Variants in CNTNAP2 observed in about 807,000 individuals in gnomAD.
CNTNAP2 encodes contactin-associated protein-like 2.
In CNTNAP2, 98 loss-of-function variants were observed where a neutral mutation model predicts 155.2. The observed-to-expected ratio is 0.63, with a 90% confidence interval of 0.54 to 0.75. CNTNAP2 has a LOEUF of 0.75. Ranked by LOEUF, CNTNAP2 falls within the 30% of genes least tolerant of loss-of-function variation. The pLI, the probability that CNTNAP2 is intolerant of heterozygous loss-of-function variation, is 0.00. For synonymous variants in CNTNAP2, 651 were observed against 631.2 expected, an observed-to-expected ratio of 1.03 and a Z score of -0.47; for missense variants, 1,727 against 1,688.1, an observed-to-expected ratio of 1.02 and a Z score of -0.40.
intron 1 of CNTNAP2, among the ~76,000 whole-genome samples, chr7:146,614,912 A>C (rs964292049): frequency 5.3e-5 from 8 of 152,104 alleles, no homozygotes; most frequent in African/African-American, 1.4e-4. Context: ...ATCTGCGTAT[A>C]TCTATCCTGC....
intron 8 of CNTNAP2, among the ~76,000 whole-genome samples, chr7:147,285,059 AAC>A (rs1313746990): frequency 6.6e-6 from 1 of 151,886 alleles, no homozygotes; most frequent in Non-Finnish European, 1.5e-5. Flanking sequence ...CATGTATAAA[AAC>A]AGAGTTTTAT....
chr7:146,501,042 ACTAAT>A (rs1393379167), intron 1 of CNTNAP2, among the ~76,000 whole-genome samples: 1 of 151,984 alleles, frequency 6.6e-6, no homozygotes, highest in African/African-American at 2.4e-5. Context: ...CATATTCTAA[ACTAAT>A]CTTGCATACT....
chr7:147,485,540 C>A (rs111246199), intron 10 of CNTNAP2, among the ~76,000 whole-genome samples: 5 of 152,244 alleles, frequency 3.3e-5, no homozygotes, highest in African/African-American at 1.2e-4. Flanking sequence ...CCCCTCTTTA[C>A]GTCAGTTTTT....
intron 12 of CNTNAP2, among the ~76,000 whole-genome samples, chr7:147,594,515 T>C (rs1215003374): frequency 6.6e-6 from 1 of 152,166 alleles, no homozygotes; most frequent in Non-Finnish European, 1.5e-5. Flanking sequence ...ATAGCAGATA[T>C]AAAGATTTCT....
rs189235051 is a variant in CNTNAP2 at position 146,888,817 on chromosome 7, A to C, written c.402+48913A>C. Among the ~76,000 whole-genome samples, 142 of 152,254 alleles carry C rather than the reference A, an allele frequency of 9.3e-4. 1 individual carries two copies. Among genetic ancestry groups the C allele is most frequent in the African/African-American group, 3.2e-3 (134 of 41,568 alleles). Reference sequence around the variant, plus strand: ...AATAGTAAAACTCACAGAGAGTAGAAGAGTGGTTGCCAGGGGATAAGGGGA... The same window carrying C: ...AATAGTAAAACTCACAGAGAGTAGACGAGTGGTTGCCAGGGGATAAGGGGA... On this transcript the variant is annotated intron_variant, in intron 3 of 23. Coordinates refer to ENST00000361727, the MANE Select transcript of CNTNAP2 (RefSeq NM_014141.6).
At chr7:147,611,161 T>C (rs1344583315) in intron 12 of CNTNAP2, among the ~76,000 whole-genome samples, 1 of 152,118 alleles carries the variant, frequency 6.6e-6, no homozygotes, top group African/African-American at 2.4e-5. Context: ...GGGAGCGTTC[T>C]CTTTAAGGTT....
At chr7:146,771,475 C>A (rs1802291995) in intron 1 of CNTNAP2, among the ~76,000 whole-genome samples, 1 of 152,110 alleles carries the variant, frequency 6.6e-6, no homozygotes. Flanking sequence ...GTGCTCACAG[C>A]TAAACAGAAG....
At chr7:146,739,530 TATC>T (rs769406102) in intron 1 of CNTNAP2, among the ~76,000 whole-genome samples, 1 of 152,032 alleles carries the variant, frequency 6.6e-6, no homozygotes, top group Non-Finnish European at 1.5e-5. Flanking sequence ...AGATACTTGG[TATC>T]ATTTCAAAAT....
chr7:148,020,637 C>T (rs1563169730), intron 15 of CNTNAP2, among the ~76,000 whole-genome samples: 1 of 152,172 alleles, frequency 6.6e-6, no homozygotes, highest in Non-Finnish European at 1.5e-5. Context: ...TGATTGTCTA[C>T]CCCACAGTTT....
At chr7:147,055,902 A>T (rs774156160) in intron 4 of CNTNAP2, among the ~76,000 whole-genome samples, 25 of 152,306 alleles carry the variant, frequency 1.6e-4, no homozygotes, top group East Asian at 1.2e-3. Context: ...CAGTGAGGTC[A>T]CTGGAGACCC....
intron 22 of CNTNAP2, among the ~76,000 whole-genome samples, chr7:148,389,109 G>A (rs1472866427): frequency 7.2e-5 from 11 of 152,198 alleles, no homozygotes; most frequent in African/African-American, 2.2e-4. Context: ...CGTCGCTCAT[G>A]CTGGGAGCTG....
At position 146,407,181 on chromosome 7, in the gene CNTNAP2, G is replaced by A. The variant is rs150383431; in HGVS notation, c.97+290208G>A. On this transcript the variant is annotated intron_variant, in intron 1 of 23. Transcript: ENST00000361727. ...TAAGGTTTTCGTTACAAAGAGTCAG[G>A]ACAACATGAATAACTTTATTATTTC... Among the ~76,000 whole-genome samples the A allele has an allele frequency of 5.0e-3, 761 of 152,212 alleles. 5 individuals carry two copies. Among genetic ancestry groups the A allele is most frequent in the Non-Finnish European group, 7.7e-3 (522 of 68,004 alleles).
At chr7:146,339,430 A>G (rs1563045540) in intron 1 of CNTNAP2, among the ~76,000 whole-genome samples, 1 of 152,156 alleles carries the variant, frequency 6.6e-6, no homozygotes, top group Non-Finnish European at 1.5e-5. Context: ...ATATACAATT[A>G]TTCCATAGTG....
intron 9 of CNTNAP2, among the ~76,000 whole-genome samples, chr7:147,333,750 T>C (rs1298741775): frequency 6.6e-6 from 1 of 152,198 alleles, no homozygotes; most frequent in Non-Finnish European, 1.5e-5. Flanking sequence ...TACAAATATG[T>C]GCTTGTTAAT....
chr7:146,311,123 A>G (rs551007743), intron 1 of CNTNAP2, among the ~76,000 whole-genome samples: 12 of 152,330 alleles, frequency 7.9e-5, no homozygotes, highest in Middle Eastern at 3.4e-3. Flanking sequence ...TTTAGGTCAG[A>G]TATTGTTATA....
chr7:148,211,201 G>T (rs1347479056), intron 18 of CNTNAP2, among the ~76,000 whole-genome samples: 1 of 152,250 alleles, frequency 6.6e-6, no homozygotes, highest in Non-Finnish European at 1.5e-5. Context: ...CTGCAGCTCA[G>T]TTCTATGCCT....
At chr7:147,000,208 C>A (rs1798395149) in intron 3 of CNTNAP2, among the ~76,000 whole-genome samples, 1 of 151,838 alleles carries the variant, frequency 6.6e-6, no homozygotes. Context: ...TCTAGGATTT[C>A]TGTTTGATTT....
intron 1 of CNTNAP2, among the ~76,000 whole-genome samples, chr7:146,346,787 A>G (rs1794824391): frequency 6.6e-6 from 1 of 152,094 alleles, no homozygotes; most frequent in Admixed American, 6.5e-5. Context: ...CCATCCTGAA[A>G]TATTTACCCT....
chr7:147,293,191 T>G (rs976969574), intron 8 of CNTNAP2, among the ~76,000 whole-genome samples: 1 of 152,230 alleles, frequency 6.6e-6, no homozygotes, highest in African/African-American at 2.4e-5. Flanking sequence ...CATTCCAAAG[T>G]GACTCTTTGT....
Sources: gnomAD v4.1 joint callset for allele counts (sites outside exome capture counted in the v4.1 genomes callset) on GRCh38, gnomAD v4.1.1 for gene constraint, MANE v1.5 for transcripts, NCBI Gene and HGNC (gene_info 2026-07-23, HGNC 2026-07-21) for gene names.